ARVCF: variants seen among roughly 807,000 people sequenced by gnomAD.
The protein encoded by ARVCF is splicing regulator ARVCF.
A neutral mutation model predicts 90.9 loss-of-function variants in ARVCF; 66 were observed. The ratio of observed to expected loss-of-function variants is 0.73; its 90% CI spans 0.60 to 0.89. The LOEUF (loss-of-function observed/expected upper bound fraction) is 0.89. ARVCF is among the 40% of genes least tolerant of loss of function. The pLI, the probability that ARVCF is intolerant of heterozygous loss-of-function variation, is 0.00. For missense variants in ARVCF, 1,469 were observed against 1,382.3 expected, an observed-to-expected ratio of 1.06 and a Z score of -1.00; for synonymous variants, 653 against 603.4, an observed-to-expected ratio of 1.08 and a Z score of -1.21.
At chr22:19,995,343 G>C (rs905167040) in intron 2 of ARVCF, among the ~76,000 whole-genome samples, 1 of 151,832 alleles carries the variant, frequency 6.6e-6, no homozygotes, top group African/African-American at 2.4e-5. Flanking sequence ...GGTGGATGGA[G>C]GAGTGGATGA....
chr22:19,998,562 T>C (rs1450432706), intron 2 of ARVCF, among the ~76,000 whole-genome samples: 1 of 152,086 alleles, frequency 6.6e-6, no homozygotes, highest in Non-Finnish European at 1.5e-5. Flanking sequence ...GAGGCCAGGC[T>C]GAGGCTGGGC....
intron 3 of ARVCF, 70 bp from the exon 4 acceptor site, chr22:19,982,161 A>C: frequency 2.5e-6 from 4 of 1,571,130 alleles, no homozygotes; most frequent in Non-Finnish European, 2.6e-6. Flanking sequence ...GTCTCCACAC[A>C]CAGCAGCTCT....
In ARVCF at chr22:19,980,078, C is replaced by G. The variant is rs1439091104; in HGVS notation, c.1061G>C (p.Arg354Pro). 15 of 1,582,774 alleles carry G rather than the reference C, an allele frequency of 9.5e-6. No individual in the cohort carries two copies. The highest frequency in any genetic ancestry group is 1.3e-5 in the Non-Finnish European group (15 of 1,165,304). The change falls in exon 6 of 20, where the codon CGC becomes CCC. Residue 354 changes from arginine (R) to proline (P), a missense_variant. Transcript: ENST00000263207. ...CTCAGGCAGCTCAGGGTCCCGCCAG[C>G]GCGGCTCCTTGCGGGCGCTATCCAC... ...PSVDSARKEP[R>P]WRDPELPEVL...
rs535959125 is a variant in ARVCF at position 19,974,136 on chromosome 22, C to T, written c.2064G>A (p.Gln688=). 6.2e-7 allele frequency: 1 copy of T among 1,612,366 alleles called. No homozygotes were observed. The change falls in exon 12 of 20, where the codon CAG becomes CAA. Residue 688 remains glutamine (Q), a synonymous_variant. Coordinates refer to ENST00000263207, the MANE Select transcript of ARVCF (RefSeq NM_001670.3). ...CCATCCAGTTGCCGGCACTGAGGTT[C>T]TGCAGAGCGCCGGCGGCAGCCTCCA... ...NTLEAAAGAL[Q]NLSAGNWMWA...
rs1256552477 is a variant in ARVCF, at chr22:19,990,832, A to G, written c.-18-20T>C. 1 of 1,538,126 alleles carries G rather than the reference A, an allele frequency of 6.5e-7. No individual in the cohort carries two copies. The highest frequency in any genetic ancestry group is 8.8e-7 in the Non-Finnish European group (1 of 1,138,234). ...CGCCAGCTGCAGGCAAAGCAGAGTA[A>G]GCTCAGTGGGGTGGGGCACAGCCTG... On this transcript the variant is annotated intron_variant, in intron 2 of 19. Coordinates refer to ENST00000263207, the MANE Select transcript of ARVCF (RefSeq NM_001670.3).
At chr22:20,015,145 G>A (rs1164020391) in intron 1 of ARVCF, among the ~76,000 whole-genome samples, 1 of 152,192 alleles carries the variant, frequency 6.6e-6, no homozygotes, top group African/African-American at 2.4e-5. Context: ...GCCTGACAGG[G>A]CAGCTCAGCC....
chr22:19,972,798 C>T lies in ARVCF; in HGVS notation c.2580G>A (p.Lys860=), dbSNP rs761144670. The stretch of plus-strand genomic sequence containing the variant: ...CGAAGCCCCCAGGACTCAGTGCTCC[C>T]TTAGGCCCCTTGGCAGTAGCAGCAG... ...QSAAATAKGP[K]GALSPGGFDD... The change falls in exon 16 of 20, where the codon AAG becomes AAA. Residue 860 remains lysine, a synonymous_variant. Transcript: ENST00000263207. 6.2e-7 allele frequency: 1 copy of T among 1,613,606 alleles called. No individual in the cohort carries two copies. Among genetic ancestry groups the T allele is most frequent in the Non-Finnish European group, 8.5e-7 (1 of 1,179,786 alleles).
intron 3 of ARVCF, among the ~76,000 whole-genome samples, chr22:19,984,740 C>T (rs1225624252): frequency 4.6e-5 from 7 of 152,224 alleles, no homozygotes; most frequent in Admixed American, 3.9e-4. Context: ...CACATCCTCC[C>T]GTCCTCCACC....
At chr22:19,991,451 C>T (rs1472761541) in intron 2 of ARVCF, among the ~76,000 whole-genome samples, 1 of 152,274 alleles carries the variant, frequency 6.6e-6, no homozygotes, top group Non-Finnish European at 1.5e-5. Context: ...TGCTGCTACA[C>T]ATGACAGAGT....
In ARVCF at chr22:19,979,890, G is replaced by A. The variant is rs371292422; in HGVS notation, c.1249C>T (p.Arg417Trp). Residue 417 changes from arginine (R) to tryptophan (W), a missense_variant, in exon 6 of 20, where the codon CGG becomes TGG. Transcript: ENST00000263207. ...CGCAGTGCCCCACAGGCCCGGCGCC[G>A]CACCTCAGCCCGCGGGTGGTCCAGC... is the stretch of plus-strand genomic sequence containing the variant. ...ALLDHPRAEV[R>W]RRACGALRNL... 9.4e-6 allele frequency: 15 copies of A among 1,603,828 alleles called. No homozygotes were observed. Among genetic ancestry groups the A allele is most frequent in the African/African-American group, 5.4e-5 (4 of 74,752 alleles).
intron 12 of ARVCF, 39 bp from the exon 13 acceptor site, chr22:19,973,832 C>T (rs376956067): frequency 6.3e-7 from 1 of 1,579,226 alleles, no homozygotes; most frequent in Non-Finnish European, 8.6e-7. Context: ...ACATACATGC[C>T]AGGCACTCTC....
At chr22:19,971,779 T>A (rs1942810761) in intron 18 of ARVCF, 107 bp downstream of exon 18, 2 of 1,240,084 alleles carry the variant, frequency 1.6e-6, no homozygotes, top group Non-Finnish European at 2.3e-6. Flanking sequence ...ACAACCCAGC[T>A]GTACCCCAGG....
In ARVCF at chr22:19,981,593, C is replaced by G; in HGVS notation, c.514G>C (p.Gly172Arg). 6.2e-7 allele frequency: 1 copy of G among 1,607,128 alleles called. No individual in the cohort carries two copies. ...CGAGAGAGTGTGGCCACTGGGCCAC[C>G]ACCACGCAGCAGGAAATGCCGGTCC... ...ALDRHFLLRGGGPVATLSRAY... is the reference protein window; with the variant it reads ...ALDRHFLLRGRGPVATLSRAY... Residue 172 changes from glycine (G) to arginine (R), a missense_variant, in exon 5 of 20, where the codon GGT (glycine) becomes CGT (arginine). Gly to Arg is a moderately radical substitution (Grantham distance 125, BLOSUM62 -2). Transcript: ENST00000263207.
chr22:19,979,645 T>A, intron 6 of ARVCF, 98 bp downstream of exon 6: 1 of 1,456,594 alleles, frequency 6.9e-7, no homozygotes, highest in Non-Finnish European at 9.1e-7. Flanking sequence ...CCGGGTGCTT[T>A]CCCAGGCGGT....
intron 10 of ARVCF, 141 bp from the exon 11 acceptor site, chr22:19,975,898 A>T (rs762076567): frequency 9.3e-5 from 75 of 807,904 alleles, no homozygotes; most frequent in Non-Finnish European, 1.3e-4. Context: ...GGAGTGGAGC[A>T]CCGTTGTCAG....
intron 11 of ARVCF, 95 bp from the exon 12 acceptor site, chr22:19,974,334 G>C: frequency 7.0e-7 from 1 of 1,421,548 alleles, no homozygotes. Context: ...CCAGGGCGTG[G>C]GTGAGCTGGG....
At chr22:19,977,807 A>C in intron 8 of ARVCF, 151 bp downstream of exon 8, 1 of 1,067,514 alleles carries the variant, frequency 9.4e-7, no homozygotes, top group Non-Finnish European at 1.3e-6. Flanking sequence ...TGCCCACTTC[A>C]GTGTGGTCAC....
chr22:19,976,528 C>G (rs1374530511), intron 10 of ARVCF, among the ~76,000 whole-genome samples, 178 bp downstream of exon 10: 1 of 152,208 alleles, frequency 6.6e-6, no homozygotes, highest in Non-Finnish European at 1.5e-5. Context: ...CCCAGGTAGG[C>G]AAGTCTGAGG....
chr22:19,976,071 A>C (rs1292723818), intron 10 of ARVCF, among the ~76,000 whole-genome samples: 1 of 152,058 alleles, frequency 6.6e-6, no homozygotes, highest in Middle Eastern at 3.2e-3. Context: ...AGACTGAGGG[A>C]AGCCAGGAGC....
Sources: allele counts gnomAD v4.1 joint callset (sites outside exome capture counted in the v4.1 genomes callset), GRCh38; gene constraint gnomAD v4.1.1; transcripts MANE v1.5; gene names NCBI Gene and HGNC (gene_info 2026-07-23, HGNC 2026-07-21).